PRCP: variants seen among roughly 807,000 people sequenced by gnomAD.
PRCP encodes lysosomal Pro-X carboxypeptidase.
Under a neutral mutation model 54.2 loss-of-function variants are expected in PRCP, and 46 were observed. The observed-to-expected ratio is 0.85, with a 90% confidence interval of 0.67 to 1.09. The LOEUF is 1.09. PRCP is among the 50% of genes least tolerant of loss of function. The pLI is 0.00. For missense variants in PRCP, 613 were observed against 596.8 expected (o/e 1.03, Z -0.28); for synonymous variants, 240 against 212.2 (o/e 1.13, Z -1.14).
At chr11:82,895,265 A>T (rs949128340) in intron 1 of PRCP, among the ~76,000 whole-genome samples, 9 of 152,234 alleles carry the variant, frequency 5.9e-5, no homozygotes. Context: ...TTACTCAGGT[A>T]GTGGCAGAAA....
At chr11:82,835,965 G>T in intron 8 of PRCP, 1 of 294,952 alleles carries the variant, frequency 3.4e-6, no homozygotes, top group South Asian at 3.2e-5. Context: ...GGCCGAGTCA[G>T]GTGGATCACA....
intron 8 of PRCP, chr11:82,826,513 C>T (rs1007311673): frequency 6.6e-6 from 1 of 152,182 alleles, no homozygotes; most frequent in Non-Finnish European, 1.5e-5. Flanking sequence ...ATAGTAACAA[C>T]CTATTAATTA....
intron 7 of PRCP, 128 bp downstream of exon 7, chr11:82,839,133 C>T: frequency 1.1e-6 from 1 of 877,732 alleles, no homozygotes; most frequent in South Asian, 1.7e-5. Flanking sequence ...AGTATCACAG[C>T]ATAAGGTAAC....
At chr11:82,854,695 C>CAAACAAACAAAT (rs1423666444) in intron 2 of PRCP, among the ~76,000 whole-genome samples, 14 of 151,700 alleles carry the variant, frequency 9.2e-5, no homozygotes, top group African/African-American at 3.4e-4. Flanking sequence ...AACAAACAAA[C>CAAACAAACAAAT]AAAAAACTTG....
chr11:82,893,828 A>G (rs1464091782), intron 1 of PRCP, among the ~76,000 whole-genome samples: 2 of 152,242 alleles, frequency 1.3e-5, no homozygotes, highest in African/African-American at 2.4e-5. Context: ...TCTCTTGCCT[A>G]CAAAATGGAA....
chr11:82,867,222 A>G (rs577360302), intron 1 of PRCP, among the ~76,000 whole-genome samples: 10 of 151,866 alleles, frequency 6.6e-5, no homozygotes, highest in East Asian at 3.9e-4. Flanking sequence ...ATCTATGTGG[A>G]AAAAAAAATT....
chr11:82,861,383 T>C (rs541522023), intron 1 of PRCP, among the ~76,000 whole-genome samples: 2 of 152,244 alleles, frequency 1.3e-5, no homozygotes, highest in African/African-American at 4.8e-5. Flanking sequence ...AAATGAATAA[T>C]ATGAAAATGA....
At chr11:82,869,607 T>A (rs1027755744) in intron 1 of PRCP, among the ~76,000 whole-genome samples, 1 of 152,204 alleles carries the variant, frequency 6.6e-6, no homozygotes, top group African/African-American at 2.4e-5. Flanking sequence ...TTTTTCTGTT[T>A]TGTCCACTTC....
At chr11:82,849,764 C>T in intron 5 of PRCP, 150 bp downstream of exon 5, 1 of 686,456 alleles carries the variant, frequency 1.5e-6, no homozygotes, top group Non-Finnish European at 2.1e-6. Context: ...ATTCATCAAG[C>T]TACGCATTTT....
At chr11:82,867,579 A>G (rs1161500164) in intron 1 of PRCP, among the ~76,000 whole-genome samples, 1 of 152,212 alleles carries the variant, frequency 6.6e-6, no homozygotes, top group Non-Finnish European at 1.5e-5. Flanking sequence ...TTTGTACTAG[A>G]AGAATTACCG....
chr11:82,886,071 C>T (rs1859856181), intron 1 of PRCP, among the ~76,000 whole-genome samples: 1 of 152,160 alleles, frequency 6.6e-6, no homozygotes, highest in African/African-American at 2.4e-5. Context: ...CCTTCTGATG[C>T]TAACATAGTT....
intron 6 of PRCP, among the ~76,000 whole-genome samples, chr11:82,843,629 T>C (rs1858728848): frequency 6.6e-6 from 1 of 152,154 alleles, no homozygotes; most frequent in Non-Finnish European, 1.5e-5. Context: ...ACTTACTTTC[T>C]ATTTATTTTG....
At position 82,849,317 on chromosome 11, in the gene PRCP, C is replaced by A. The variant is rs1331486991; in HGVS notation, c.752-99G>T. 2.0e-5 allele frequency: 25 copies of A among 1,277,444 alleles called. 1 individual carries two copies. Among genetic ancestry groups the A allele is most frequent in the Non-Finnish European group, 2.7e-5 (25 of 935,274 alleles). The allele number at this position is 1,277,444 out of a possible 1,614,324, so 79.1% of individuals were successfully genotyped here. On this transcript the variant is annotated intron_variant, in intron 5 of 8. Transcript: ENST00000313010. The stretch of plus-strand genomic sequence containing the variant: ...CACATAGTATTTTAGAAAACTCAAT[C>A]TTTTATACCCCTTCTCCCAGGATAT...
chr11:82,843,810 A>G (rs1490782880), intron 6 of PRCP, among the ~76,000 whole-genome samples: 1 of 152,202 alleles, frequency 6.6e-6, no homozygotes, highest in Non-Finnish European at 1.5e-5. Flanking sequence ...CCAAGAGAGC[A>G]CCATATAATG....
At chr11:82,835,568 C>G in intron 8 of PRCP, 1 of 301,820 alleles carries the variant, frequency 3.3e-6, no homozygotes, top group South Asian at 3.0e-5. Flanking sequence ...AGAAGAATCC[C>G]TTTATGTTAG....
At chr11:82,875,616 C>T (rs866273783) in intron 1 of PRCP, among the ~76,000 whole-genome samples, 1 of 152,132 alleles carries the variant, frequency 6.6e-6, no homozygotes, top group Non-Finnish European at 1.5e-5. Context: ...ATACTGGATA[C>T]AAGGATAAAA....
intron 1 of PRCP, among the ~76,000 whole-genome samples, chr11:82,892,689 A>G (rs1443608775): frequency 6.6e-6 from 1 of 152,258 alleles, no homozygotes; most frequent in Non-Finnish European, 1.5e-5. Flanking sequence ...CAGGTCAGTA[A>G]ACTATTATAA....
intron 8 of PRCP, among the ~76,000 whole-genome samples, chr11:82,838,088 A>C (rs1858568777): frequency 6.6e-6 from 1 of 152,210 alleles, no homozygotes; most frequent in African/African-American, 2.4e-5. Context: ...ACAACATAAC[A>C]ATAATAAGAC....
intron 1 of PRCP, among the ~76,000 whole-genome samples, chr11:82,899,155 C>T (rs1346272102): frequency 6.6e-6 from 1 of 152,172 alleles, no homozygotes; most frequent in Admixed American, 6.5e-5. Context: ...CCCACAAGTT[C>T]AAGACTAGCC....
Sources: allele counts gnomAD v4.1 joint callset (sites outside exome capture counted in the v4.1 genomes callset), GRCh38; gene constraint gnomAD v4.1.1; transcripts MANE v1.5; gene names NCBI Gene and HGNC (gene_info 2026-07-23, HGNC 2026-07-21).